The following PAPLN variants were observed in gnomAD, a reference collection of about 807,000 sequenced individuals.
PAPLN encodes the protein papilin, proteoglycan like sulfated glycoprotein.
Under a neutral mutation model 159.0 loss-of-function variants are expected in PAPLN, and 146 were observed. The ratio of observed to expected loss-of-function variants is 0.92; its 90% CI spans 0.80 to 1.05. The LOEUF (loss-of-function observed/expected upper bound fraction) is 1.05. PAPLN is among the 50% of genes least tolerant of loss of function. The pLI, the probability that PAPLN is intolerant of heterozygous loss-of-function variation, is 0.00. For synonymous variants in PAPLN, 734 were observed against 702.9 expected (o/e 1.04, Z -0.70); for missense variants, 1,720 against 1,743.9 (o/e 0.99, Z 0.24).
chr14:73,272,822 C>A lies in PAPLN; in HGVS notation c.*158C>A. 3.0e-6 allele frequency: 2 copies of A among 665,168 alleles called. No individual in the cohort carries two copies. The highest frequency in any genetic ancestry group is 4.4e-6 in the Non-Finnish European group (2 of 454,942). 41.2% of individuals were successfully genotyped at this position (665,168 alleles called of 1,614,324 possible). ...CCCACCCAGTGTTTAGCCTCAACGG[C>A]AGCCAGTTACCAGCTTCTCTCTGTA... is the stretch of plus-strand genomic sequence containing the variant. On this transcript the variant is annotated 3_prime_UTR_variant, in exon 27 of 27. Transcript: ENST00000644200.
At chr14:73,260,944 T>A (rs1258102342) in intron 17 of PAPLN, 115 bp downstream of exon 17, 16 of 1,430,568 alleles carry the variant, frequency 1.1e-5, no homozygotes. Context: ...TCCCTGCAAA[T>A]CTGCTGGCCT....
Position 73,259,526 on chromosome 14 carries a change from G to A in PAPLN, c.1966G>A (p.Ala656Thr). The A allele has an allele frequency of 6.3e-7, 1 of 1,584,664 alleles. No individual in the cohort carries two copies. Among genetic ancestry groups the A allele is most frequent in the Non-Finnish European group, 8.6e-7 (1 of 1,164,940 alleles). Residue 656 changes from alanine to threonine, a missense_variant, in exon 16 of 27, where the codon GCC (alanine) becomes ACC (threonine). By Grantham distance (58) the Ala-to-Thr change is moderately conservative (BLOSUM62 0). Transcript: ENST00000644200. ...LGPQWQGCPG[A>T]PCQQSRYGCC... ...GCCTCAGTGGCAAGGCTGCCCTGGGGCCCCCTGTCAGCAGAGCAGGTGGGT... is the reference window on the plus strand; with the variant it reads ...GCCTCAGTGGCAAGGCTGCCCTGGGACCCCCTGTCAGCAGAGCAGGTGGGT...
At position 73,250,031 on chromosome 14, in the gene PAPLN, T is replaced by C; in HGVS notation, c.382T>C (p.Tyr128His). ...CTGCATTCCCAAGGGGGAGAACTTC[T>C]ACTACAAGCACAGGGAGGCTGTGGT... is the stretch of plus-strand genomic sequence containing the variant. ...LNCIPKGENFYYKHREAVVDG... is the reference protein window; with the variant it reads ...LNCIPKGENFHYKHREAVVDG... Residue 128 changes from tyrosine to histidine, a missense_variant, in exon 6 of 27, where the codon TAC becomes CAC. By Grantham distance (83) the Tyr-to-His change is moderately conservative (BLOSUM62 2). Transcript: ENST00000644200. The C allele has an allele frequency of 6.2e-7, 1 of 1,613,186 alleles. No individual in the cohort carries two copies. Among genetic ancestry groups the C allele is most frequent in the Non-Finnish European group, 8.5e-7 (1 of 1,179,608 alleles).
intron 12 of PAPLN, among the ~76,000 whole-genome samples, 164 bp from the exon 13 acceptor site, chr14:73,254,349 C>T (rs1015860649): frequency 2.0e-5 from 3 of 152,166 alleles, no homozygotes; most frequent in African/African-American, 7.2e-5. Context: ...ATGGTTCAGG[C>T]TGTGTGACCT....
At chr14:73,251,620 G>A (rs768925390) in intron 8 of PAPLN, 44 bp from the exon 9 acceptor site, 17 of 1,613,334 alleles carry the variant, frequency 1.1e-5, no homozygotes, top group Middle Eastern at 3.3e-4. Flanking sequence ...GGGGAGGTGC[G>A]GCACTGCTCC....
chr14:73,259,182 G>A, intron 15 of PAPLN, 87 bp from the exon 16 acceptor site: 2 of 1,525,666 alleles, frequency 1.3e-6, no homozygotes, highest in Non-Finnish European at 1.8e-6. Flanking sequence ...TGGTCCAGGG[G>A]ACGGAGGAAG....
Position 73,265,643 on chromosome 14 carries a change from T to C in PAPLN, c.3263+136T>C. ...CCGGACTCCAGGGCCTCTTGAGAGA[T>C]GGAGCAGCTGGGCAAAGGGCTCCTT... On this transcript the variant is annotated intron_variant, in intron 23 of 26. Coordinates refer to ENST00000644200, the MANE Select transcript of PAPLN (RefSeq NM_001365906.3). This position sits in a 1 kb window ranked among gnomAD's most constrained non-coding sequence, Gnocchi z 4.1. 7.6e-7 allele frequency: 1 copy of C among 1,317,390 alleles called. No homozygotes were observed. The highest frequency in any genetic ancestry group is 1.0e-6 in the Non-Finnish European group (1 of 978,182). 81.6% of individuals were successfully genotyped at this position (1,317,390 alleles called of 1,614,324 possible).
chr14:73,237,570 C>T lies in PAPLN; in HGVS notation c.-29C>T, dbSNP rs971964791. The T allele has an allele frequency of 1.2e-4, 19 of 152,244 alleles. No individual in the cohort carries two copies. Among genetic ancestry groups the T allele is most frequent in the African/African-American group, 4.1e-4 (17 of 41,464 alleles). The allele number at this position is 152,244 out of a possible 1,614,324, so 9.4% of individuals were successfully genotyped here. A position where few individuals can be genotyped will look rare whatever the true frequency, so the allele number is the denominator to read the frequency against. Reference sequence around the variant, plus strand: ...ACCGACGGAGCGGCCCTGGCTGCAGCCTCCCGGCGCCAGCGAAGACAGGTA... The same window carrying T: ...ACCGACGGAGCGGCCCTGGCTGCAGTCTCCCGGCGCCAGCGAAGACAGGTA... On this transcript the variant is annotated 5_prime_UTR_variant, in exon 1 of 27. Coordinates refer to ENST00000644200, the MANE Select transcript of PAPLN (RefSeq NM_001365906.3).
chr14:73,273,870 G>A lies in PAPLN; in HGVS notation c.*1206G>A, dbSNP rs949260404. On this transcript the variant is annotated 3_prime_UTR_variant, in exon 27 of 27. Transcript: ENST00000644200. ...GAATAGATGTTAAGACCTCAAATAG[G>A]GATTTGGGATGAAACAGCTGCAGTT... The A allele has an allele frequency of 6.6e-6, 1 of 152,178 alleles. No homozygotes were observed. The highest frequency in any genetic ancestry group is 1.5e-5 in the Non-Finnish European group (1 of 68,038). 9.4% of individuals were successfully genotyped at this position (152,178 alleles called of 1,614,324 possible).
rs959790418 is a variant in PAPLN, at chr14:73,259,061, T to C, written c.1708+2T>C. 51 of 1,608,642 alleles carry C rather than the reference T, an allele frequency of 3.2e-5. No individual in the cohort carries two copies. Among genetic ancestry groups the C allele is most frequent in the African/African-American group, 4.0e-5 (3 of 74,642 alleles). ...GCCCTCAGGAGTCCCCTGCCTCAGGTGAGAGCCTGGTCCCGTCCCCCACTC... is the reference window on the plus strand; with the variant it reads ...GCCCTCAGGAGTCCCCTGCCTCAGGCGAGAGCCTGGTCCCGTCCCCCACTC... On this transcript the variant is annotated splice_donor_variant, in intron 15 of 26. Coordinates refer to ENST00000644200, the MANE Select transcript of PAPLN (RefSeq NM_001365906.3). LOFTEE classifies it high-confidence loss of function.
chr14:73,268,574 A>G lies in PAPLN; in HGVS notation c.3518A>G (p.Gln1173Arg), dbSNP rs775896126. ...IRWSRNGLPV[Q>R]ADGHRVHQSP... Reference sequence around the variant, plus strand: ...TCCTCCAGGAACGGGCTACCTGTGCAGGCTGATGGCCACCGTGTCCACCAG... The same window carrying G: ...TCCTCCAGGAACGGGCTACCTGTGCGGGCTGATGGCCACCGTGTCCACCAG... The change falls in exon 26 of 27, where the codon CAG becomes CGG. Residue 1173 changes from glutamine to arginine, a missense_variant. By Grantham distance (43) the Gln-to-Arg change is conservative. Coordinates refer to ENST00000644200, the MANE Select transcript of PAPLN (RefSeq NM_001365906.3). The G allele has an allele frequency of 6.8e-6, 11 of 1,612,868 alleles. No individual in the cohort carries two copies. The East Asian group carries it at 2.5e-4, about 36-fold the overall frequency.
At position 73,264,691 on chromosome 14, in the gene PAPLN, G is replaced by C; in HGVS notation, c.3090G>C (p.Gly1030=). The C allele has an allele frequency of 6.2e-7, 1 of 1,612,488 alleles. No individual in the cohort carries two copies. Among genetic ancestry groups the C allele is most frequent in the Non-Finnish European group, 8.5e-7 (1 of 1,179,682 alleles). ...FGQAGAAGPL[G]AIPSSHPQPA... The stretch of plus-strand genomic sequence containing the variant: ...AAGCGGGGGCTGCTGGGCCCCTGGG[G>C]GCCATCCCCTCTTCACACCCACAGC... The change falls in exon 22 of 27, where the codon GGG becomes GGC. Residue 1030 remains glycine, a synonymous_variant. Transcript: ENST00000644200.
chr14:73,259,000 T>TGCACACCCCTGCCAGCAACCCCTGGATGC lies in PAPLN; in HGVS notation c.1650_1678dup (p.Pro560ArgfsTer252). On this transcript the variant is annotated frameshift_variant, in exon 15 of 27. Transcript: ENST00000644200. LOFTEE classifies it high-confidence loss of function. ...GCAGAGGTCCCCAGCATGCAGGATG[T>TGCACACCCCTGCCAGCAACCCCTGGATGC]GCACACCCCTGCCAGCAACCCCTGG... is the stretch of plus-strand genomic sequence containing the variant. 2 of 1,612,220 alleles carry TGCACACCCCTGCCAGCAACCCCTGGATGC rather than the reference T, an allele frequency of 1.2e-6. No individual in the cohort carries two copies. The highest frequency in any genetic ancestry group is 1.7e-6 in the Non-Finnish European group (2 of 1,179,228).
rs950658187 is a variant in PAPLN, at chr14:73,245,997, G to A, written c.232-76G>A. The A allele has an allele frequency of 2.2e-6, 3 of 1,383,368 alleles. No homozygotes were observed. The highest frequency in any genetic ancestry group is 2.9e-6 in the Non-Finnish European group (3 of 1,044,660). The allele number at this position is 1,383,368 out of a possible 1,614,324, so 85.7% of individuals were successfully genotyped here. A position where few individuals can be genotyped will look rare whatever the true frequency, so the allele number is the denominator to read the frequency against. ...GGCAAGGGAGACTCCTGGGCTCCCT[G>A]GGCTCGGGCGGGGCGGGAGGTGGGC... is the stretch of plus-strand genomic sequence containing the variant. On this transcript the variant is annotated intron_variant, in intron 4 of 26. Coordinates refer to ENST00000644200, the MANE Select transcript of PAPLN (RefSeq NM_001365906.3). The surrounding 1 kb of genome is among the most constrained non-coding windows in gnomAD (Gnocchi z 4.2).
Position 73,251,481 on chromosome 14 carries a change from C to A in PAPLN, c.590-5C>A, listed in dbSNP as rs778680875. ...CACACCCAGCACCTGCGTCTCTGCC[C>A]CCAGGCTACAACCAGATCCTCATAG... On this transcript the variant is annotated splice_polypyrimidine_tract_variant and splice_region_variant and intron_variant, in intron 7 of 26. Coordinates refer to ENST00000644200, the MANE Select transcript of PAPLN (RefSeq NM_001365906.3). The A allele has an allele frequency of 1.9e-6, 3 of 1,604,546 alleles. No individual in the cohort carries two copies. The highest frequency in any genetic ancestry group is 2.2e-5 in the East Asian group (1 of 44,880).
chr14:73,253,581 G>A (rs1228393635), intron 11 of PAPLN, among the ~76,000 whole-genome samples, 173 bp from the exon 12 acceptor site: 5 of 152,338 alleles, frequency 3.3e-5, no homozygotes, highest in African/African-American at 1.2e-4. Context: ...CAGGCCCGGT[G>A]GTGGGGATGC....
intron 26 of PAPLN, among the ~76,000 whole-genome samples, chr14:73,271,693 G>T (rs1244532921): frequency 6.6e-6 from 1 of 152,034 alleles, no homozygotes; most frequent in Non-Finnish European, 1.5e-5. Flanking sequence ...GTAGAGATGG[G>T]GTTTCACCAT....
intron 23 of PAPLN, 22 bp from the exon 24 acceptor site, chr14:73,266,479 A>G (rs749610690): frequency 7.4e-6 from 12 of 1,612,742 alleles, no homozygotes; most frequent in Non-Finnish European, 1.0e-5. Flanking sequence ...GCTGGAGCCA[A>G]CTGGCTGTAC....
chr14:73,260,948 C>T, intron 17 of PAPLN, 119 bp downstream of exon 17: 1 of 1,425,274 alleles, frequency 7.0e-7, no homozygotes, highest in Non-Finnish European at 9.2e-7. Context: ...TGCAAATCTG[C>T]TGGCCTGGGT....
Sources: allele counts gnomAD v4.1 joint callset (sites outside exome capture counted in the v4.1 genomes callset), GRCh38; gene constraint gnomAD v4.1.1; non-coding constraint Gnocchi (gnomAD v3.1); transcripts MANE v1.5; gene names NCBI Gene and HGNC (gene_info 2026-07-23, HGNC 2026-07-21).